The following CNTN5 variants were observed in gnomAD, a reference collection of about 807,000 sequenced individuals.
CNTN5 encodes contactin-5.
A neutral mutation model predicts 129.1 loss-of-function variants in CNTN5; 77 were observed. That is an observed-to-expected ratio of 0.60 (90% CI 0.50 to 0.72). The LOEUF is 0.72. Among genes scored for constraint, CNTN5 ranks in the 30% least tolerant of loss-of-function variants. The probability of loss-of-function intolerance (pLI) is 0.00; values close to 1 mark genes in which losing one functional copy is unlikely to be tolerated. For synonymous variants in CNTN5, 509 were observed against 465.6 expected (o/e 1.09, Z -1.20); for missense variants, 1,478 against 1,328.8 (o/e 1.11, Z -1.75).
intron 1 of CNTN5, among the ~76,000 whole-genome samples, chr11:99,154,969 T>C (rs1349365104): frequency 2.0e-5 from 3 of 152,154 alleles, no homozygotes; most frequent in African/African-American, 7.2e-5. Context: ...GTCCAGACAG[T>C]AGCAGAATCA....
intron 3 of CNTN5, among the ~76,000 whole-genome samples, chr11:99,751,436 G>A (rs1565489740): frequency 6.6e-6 from 1 of 152,052 alleles, no homozygotes; most frequent in Non-Finnish European, 1.5e-5. Context: ...CCAAAAGAGA[G>A]AGAAGTATTT....
At chr11:99,623,630 A>G (rs1356106169) in intron 3 of CNTN5, among the ~76,000 whole-genome samples, 2 of 152,044 alleles carry the variant, frequency 1.3e-5, no homozygotes, top group Non-Finnish European at 2.9e-5. Context: ...GGTCTAATCC[A>G]AGAATGTCAT....
intron 3 of CNTN5, among the ~76,000 whole-genome samples, chr11:99,661,877 T>C (rs1952605934): frequency 2.6e-5 from 4 of 152,128 alleles, no homozygotes. Flanking sequence ...GAAGACTTAC[T>C]TGAAGAGCAT....
At chr11:100,129,348 C>A (rs1667032881) in intron 13 of CNTN5, among the ~76,000 whole-genome samples, 1 of 152,234 alleles carries the variant, frequency 6.6e-6, no homozygotes, top group East Asian at 1.9e-4. Context: ...TTGTCTTAAT[C>A]TTGACCAATG....
At chr11:100,129,383 A>T (rs1029105925) in intron 13 of CNTN5, among the ~76,000 whole-genome samples, 4 of 152,118 alleles carry the variant, frequency 2.6e-5, no homozygotes, top group Non-Finnish European at 5.9e-5. Context: ...CCAGTCCATA[A>T]GAGTTATTTG....
rs747004093 is a variant in CNTN5, at chr11:100,340,492, A to G, written c.2760A>G (p.Glu920=). Residue 920 remains glutamate, a synonymous_variant, in exon 22 of 25, where the codon GAA becomes GAG. Transcript: ENST00000524871. ...EVGYWKDMEQ[E]DTAETVKTRG... ...GTTACTGGAAAGACATGGAACAGGA[A>G]GATACAGCAGAAACAGTCAAAACTA... is the stretch of plus-strand genomic sequence containing the variant. 2 of 1,612,464 alleles carry G rather than the reference A, an allele frequency of 1.2e-6. No individual in the cohort carries two copies. Among genetic ancestry groups the G allele is most frequent in the Admixed American group, 3.3e-5 (2 of 59,808 alleles).
At chr11:99,298,084 A>C (rs551503820) in intron 1 of CNTN5, among the ~76,000 whole-genome samples, 21 of 152,210 alleles carry the variant, frequency 1.4e-4, no homozygotes, top group Non-Finnish European at 2.6e-4. Context: ...GAGAGATTAA[A>C]GGACCCAAGT....
intron 7 of CNTN5, among the ~76,000 whole-genome samples, chr11:99,953,828 T>G (rs771252949): frequency 2.6e-5 from 4 of 152,234 alleles, no homozygotes; most frequent in Non-Finnish European, 5.9e-5. Flanking sequence ...TACCACATAG[T>G]ATCAAAAATA....
At chr11:100,124,269 G>T (rs1267707578) in intron 13 of CNTN5, among the ~76,000 whole-genome samples, 1 of 151,922 alleles carries the variant, frequency 6.6e-6, no homozygotes, top group Non-Finnish European at 1.5e-5. Flanking sequence ...CTTGAAAACT[G>T]GATATTAGAA....
At chr11:99,764,233 A>G (rs10893861) in intron 3 of CNTN5, among the ~76,000 whole-genome samples, 26,195 of 151,950 alleles carry the variant, frequency 0.17, 2,311 homozygotes, top group African/African-American at 0.18. Context: ...TAGTTCAATT[A>G]TTTGATGAGT....
At chr11:99,213,477 T>C (rs1859946324) in intron 1 of CNTN5, among the ~76,000 whole-genome samples, 1 of 141,204 alleles carries the variant, frequency 7.1e-6, no homozygotes, top group African/African-American at 2.6e-5. Context: ...TGTGTATATA[T>C]ACACACATAT....
intron 6 of CNTN5, among the ~76,000 whole-genome samples, chr11:99,905,142 A>C (rs1949464331): frequency 6.6e-6 from 1 of 152,100 alleles, no homozygotes; most frequent in Non-Finnish European, 1.5e-5. Flanking sequence ...TCTTTAGTTT[A>C]ATTAGATCTC....
At chr11:99,798,769 A>G (rs1291592118) in intron 3 of CNTN5, among the ~76,000 whole-genome samples, 1 of 152,066 alleles carries the variant, frequency 6.6e-6, no homozygotes, top group South Asian at 2.1e-4. Context: ...TTCTATATGA[A>G]TTTTAAAATA....
intron 3 of CNTN5, among the ~76,000 whole-genome samples, chr11:99,683,591 C>CA (rs1953655483): frequency 3.3e-5 from 5 of 151,724 alleles, no homozygotes; most frequent in Admixed American, 3.3e-4. Context: ...TGTTCTTCTT[C>CA]AAAATCATTT....
chr11:99,452,372 GTTTT>G (rs71463577), intron 2 of CNTN5, among the ~76,000 whole-genome samples: 3 of 104,356 alleles, frequency 2.9e-5, no homozygotes, highest in African/African-American at 1.1e-4. Context: ...AAACACAGGT[GTTTT>G]TTTTTTTTTT....
intron 2 of CNTN5, among the ~76,000 whole-genome samples, chr11:99,433,111 G>T (rs1248434114): frequency 6.6e-6 from 1 of 151,866 alleles, no homozygotes; most frequent in African/African-American, 2.4e-5. Flanking sequence ...TTTGAAAGCA[G>T]CCTGAGGAAC....
intron 15 of CNTN5, among the ~76,000 whole-genome samples, chr11:100,197,248 T>C (rs1948662717): frequency 6.6e-6 from 1 of 151,962 alleles, no homozygotes; most frequent in African/African-American, 2.4e-5. Flanking sequence ...GTTTGTTGAA[T>C]AAGTTTAAAG....
chr11:100,051,177 C>T (rs920591573), intron 9 of CNTN5, among the ~76,000 whole-genome samples: 1 of 151,942 alleles, frequency 6.6e-6, no homozygotes, highest in African/African-American at 2.4e-5. Flanking sequence ...ATTTAAAGAA[C>T]TCTACCAACC....
At chr11:99,562,730 A>G (rs1265903533) in intron 3 of CNTN5, among the ~76,000 whole-genome samples, 1 of 152,162 alleles carries the variant, frequency 6.6e-6, no homozygotes, top group Non-Finnish European at 1.5e-5. Flanking sequence ...TTAAATATTT[A>G]TTGGTAGAGG....
Sources: allele counts gnomAD v4.1 joint callset (sites outside exome capture counted in the v4.1 genomes callset), GRCh38; gene constraint gnomAD v4.1.1; transcripts MANE v1.5; gene names NCBI Gene and HGNC (gene_info 2026-07-23, HGNC 2026-07-21).